The following ZMYM1 variants were observed in gnomAD, a reference collection of about 807,000 sequenced individuals.
ZMYM1 encodes zinc finger MYM-type protein 1.
In ZMYM1, 39 loss-of-function variants were observed where a neutral mutation model predicts 60.0. The ratio of observed to expected loss-of-function variants is 0.65; its 90% CI spans 0.50 to 0.85. The LOEUF is 0.85. Ranked by LOEUF, ZMYM1 falls within the 40% of genes least tolerant of loss-of-function variation. The pLI is 0.00. For missense variants in ZMYM1, 1,171 were observed against 1,309.5 expected, an observed-to-expected ratio of 0.89 and a Z score of 1.63; for synonymous variants, 413 against 454.0, an observed-to-expected ratio of 0.91 and a Z score of 1.15.
intron 1 of ZMYM1, among the ~76,000 whole-genome samples, chr1:35,073,373 G>GGAAGGAAGGAAGGAAA (rs1203123644): frequency 2.8e-5 from 4 of 144,648 alleles, no homozygotes; most frequent in South Asian, 2.2e-4. Flanking sequence ...AAGGAAGGAA[G>GGAAGGAAGGAAGGAAA]GAAAGAAAGG....
chr1:35,081,391 A>G (rs1178755321), intron 1 of ZMYM1, among the ~76,000 whole-genome samples: 2 of 147,722 alleles, frequency 1.4e-5, no homozygotes, highest in Admixed American at 1.4e-4. Flanking sequence ...TTTTTTTGAT[A>G]TTGTCTTGGT....
intron 6 of ZMYM1, among the ~76,000 whole-genome samples, chr1:35,105,074 C>T (rs2148546263): frequency 6.6e-6 from 1 of 151,064 alleles, no homozygotes; most frequent in Admixed American, 6.6e-5. Context: ...CAATAAAACC[C>T]AAACACAAAA....
At chr1:35,103,012 A>G (rs1223264972) in intron 4 of ZMYM1, among the ~76,000 whole-genome samples, 2 of 152,230 alleles carry the variant, frequency 1.3e-5, no homozygotes, top group African/African-American at 4.8e-5. Context: ...ATAGCAGGGA[A>G]TAACATGAAT....
intron 6 of ZMYM1, among the ~76,000 whole-genome samples, chr1:35,105,003 A>AG (rs1290074677): frequency 6.6e-6 from 1 of 152,232 alleles, no homozygotes; most frequent in Non-Finnish European, 1.5e-5. Context: ...AAAGGCAGGC[A>AG]GGCTGGAGCC....
intron 1 of ZMYM1, among the ~76,000 whole-genome samples, chr1:35,091,445 C>T (rs1297251510): frequency 6.6e-6 from 1 of 152,090 alleles, no homozygotes; most frequent in Non-Finnish European, 1.5e-5. Context: ...GATCTCCTGA[C>T]CTCATGATCC....
At chr1:35,101,732 A>G (rs1353163203) in intron 4 of ZMYM1, among the ~76,000 whole-genome samples, 2 of 151,556 alleles carry the variant, frequency 1.3e-5, no homozygotes, top group African/African-American at 2.4e-5. Context: ...AATGTTTTTA[A>G]ATATTTTTAG....
At chr1:35,086,576 A>T (rs914973670) in intron 1 of ZMYM1, among the ~76,000 whole-genome samples, 1 of 152,142 alleles carries the variant, frequency 6.6e-6, no homozygotes. Context: ...TAGTTTTGAG[A>T]TTATATGTCT....
At chr1:35,095,999 C>G in intron 3 of ZMYM1, 108 bp downstream of exon 3, 1 of 823,098 alleles carries the variant, frequency 1.2e-6, no homozygotes, top group South Asian at 1.6e-5. Context: ...GGTTTTAAGT[C>G]CAGGAGAAGT....
At chr1:35,102,116 G>C (rs988121431) in intron 4 of ZMYM1, among the ~76,000 whole-genome samples, 1 of 152,080 alleles carries the variant, frequency 6.6e-6, no homozygotes, top group Non-Finnish European at 1.5e-5. Context: ...TGTTGTTTTG[G>C]TTGAAGTCTG....
chr1:35,073,924 C>T (rs1642119937), intron 1 of ZMYM1, among the ~76,000 whole-genome samples: 1 of 152,006 alleles, frequency 6.6e-6, no homozygotes, highest in Admixed American at 6.6e-5. Flanking sequence ...GCTGGGATTA[C>T]AAGTGTGCGC....
chr1:35,091,504 C>T (rs572079441), intron 1 of ZMYM1, among the ~76,000 whole-genome samples: 17 of 152,116 alleles, frequency 1.1e-4, no homozygotes, highest in African/African-American at 3.6e-4. Flanking sequence ...TGAGCCACTG[C>T]CCCGGCCAAG....
intron 1 of ZMYM1, among the ~76,000 whole-genome samples, chr1:35,070,637 C>A (rs1371994231): frequency 6.6e-6 from 1 of 152,118 alleles, no homozygotes; most frequent in Non-Finnish European, 1.5e-5. Flanking sequence ...ACTTCCAGTA[C>A]TATGATGAAT....
chr1:35,089,802 G>A (rs888553307), intron 1 of ZMYM1, among the ~76,000 whole-genome samples: 3 of 133,274 alleles, frequency 2.3e-5, no homozygotes, highest in East Asian at 4.5e-4. Flanking sequence ...CTGGAGTGCA[G>A]TGGCATGATC....
At chr1:35,086,144 C>G (rs1489342342) in intron 1 of ZMYM1, among the ~76,000 whole-genome samples, 1 of 152,092 alleles carries the variant, frequency 6.6e-6, no homozygotes, top group Non-Finnish European at 1.5e-5. Flanking sequence ...ATTTGAATTT[C>G]ATTATATAAA....
rs761759548 is a variant in ZMYM1 at position 35,097,690 on chromosome 1, G to A, written c.419+124G>A. ...ACTGAGTTTGACTCTTGTTGCCCAG[G>A]CTGGAGTGCAGTGGCACGATCTCGG... On this transcript the variant is annotated intron_variant, in intron 4 of 9. Coordinates refer to ENST00000359858, the MANE Select transcript of ZMYM1 (RefSeq NM_024772.5). The A allele has an allele frequency of 1.3e-5, 16 of 1,225,436 alleles. No homozygotes were observed. The African/African-American group carries it at 2.1e-4, about 16-fold the overall frequency. The allele number at this position is 1,225,436 out of a possible 1,614,324, so 75.9% of individuals were successfully genotyped here.
chr1:35,111,802 C>T lies in ZMYM1; in HGVS notation c.992C>T (p.Ser331Leu). 1 of 1,605,514 alleles carries T rather than the reference C, an allele frequency of 6.2e-7. No individual in the cohort carries two copies. The highest frequency in any genetic ancestry group is 8.5e-7 in the Non-Finnish European group (1 of 1,175,012). The change falls in exon 8 of 10, where the codon TCA (serine) becomes TTA (leucine). Residue 331 changes from serine to leucine, a missense_variant. Coordinates refer to ENST00000359858, the MANE Select transcript of ZMYM1 (RefSeq NM_024772.5). ...GTTGTTTCTGTGGTGCATGATACTT[C>T]AACAGAGCTTCTTTCTCCAAAGAAA... ...VSVVSVVHDT[S>L]TELLSPKKDT...
chr1:35,073,903 C>A (rs758658907), intron 1 of ZMYM1, among the ~76,000 whole-genome samples: 57 of 152,238 alleles, frequency 3.7e-4, no homozygotes, highest in Non-Finnish European at 7.4e-4. Flanking sequence ...TCAAGCGATT[C>A]TTCTGCCTCA....
rs182302355 is a variant in ZMYM1, at chr1:35,107,848, G to A, written c.808-2446G>A. On this transcript the variant is annotated intron_variant, in intron 6 of 9. Transcript: ENST00000359858. ...TATTGGGCCAGGTGCGGTGGCTCAC[G>A]CCTGTAATCCCAGCACTTTGGGAGG... 7.9e-5 allele frequency among the ~76,000 whole-genome samples: 12 copies of A among 152,202 alleles called. No homozygotes were observed. In the East Asian group the frequency reaches 1.9e-3, roughly 24 times the overall value.
At chr1:35,117,720 C>T (rs1309116113), downstream of ZMYM1, among the ~76,000 whole-genome samples, 1 of 152,064 alleles carries the variant, frequency 6.6e-6, no homozygotes, top group Non-Finnish European at 1.5e-5. Context: ...GCGGGCAGAT[C>T]ACTTGAGGTC....
Sources: gnomAD v4.1 joint callset for allele counts (sites outside exome capture counted in the v4.1 genomes callset) on GRCh38, gnomAD v4.1.1 for gene constraint, MANE v1.5 for transcripts, NCBI Gene and HGNC (gene_info 2026-07-23, HGNC 2026-07-21) for gene names.